The following MPHOSPH9 variants were observed in gnomAD, a reference collection of about 807,000 sequenced individuals.
The protein encoded by MPHOSPH9 is M-phase phosphoprotein 9.
MPHOSPH9 carries 88 observed loss-of-function variants against 145.5 expected under a neutral mutation model. That is an observed-to-expected ratio of 0.60 (90% CI 0.51 to 0.72). MPHOSPH9 has a LOEUF of 0.72. Among genes scored for constraint, MPHOSPH9 ranks in the 30% least tolerant of loss-of-function variants. The pLI is 0.00. For synonymous variants in MPHOSPH9, 435 were observed against 486.2 expected (o/e 0.89, Z 1.39); for missense variants, 1,238 against 1,386.6 (o/e 0.89, Z 1.70).
intron 1 of MPHOSPH9, among the ~76,000 whole-genome samples, chr12:123,240,161 C>A (rs945270914): frequency 3.4e-5 from 5 of 146,930 alleles, no homozygotes; most frequent in Non-Finnish European, 5.9e-5. Context: ...GTCAGGAGTT[C>A]GAGACCACCC....
At position 123,170,123 on chromosome 12, in the gene MPHOSPH9, G is replaced by A. The variant is rs181620023; in HGVS notation, c.2457-3334C>T. Among the ~76,000 whole-genome samples, 27 of 150,594 alleles carry A rather than the reference G, an allele frequency of 1.8e-4. No homozygotes were observed. In the East Asian group the frequency reaches 4.1e-3, roughly 23 times the overall value. On this transcript the variant is annotated intron_variant, in intron 16 of 23. Coordinates refer to ENST00000606320, the MANE Select transcript of MPHOSPH9 (RefSeq NM_022782.4). ...CTCCCGAGCAGCTGGGACTACAGGC[G>A]CGTACCACCAACCACCACACCCAGC...
At chr12:123,199,206 C>G (rs1239039109) in intron 11 of MPHOSPH9, among the ~76,000 whole-genome samples, 6 of 152,052 alleles carry the variant, frequency 3.9e-5, no homozygotes, top group Non-Finnish European at 8.8e-5. Context: ...AGGCTGGTCT[C>G]AAACTCCTGG....
At chr12:123,180,479 T>G (rs1244820384) in intron 14 of MPHOSPH9, among the ~76,000 whole-genome samples, 2 of 152,200 alleles carry the variant, frequency 1.3e-5, no homozygotes, top group African/African-American at 4.8e-5. Context: ...AATGCAAATA[T>G]GTAGTCTCCA....
intron 8 of MPHOSPH9, among the ~76,000 whole-genome samples, chr12:123,206,781 G>A (rs1005678742): frequency 6.6e-6 from 1 of 151,920 alleles, no homozygotes. Flanking sequence ...GGGTATGGTA[G>A]TGCATGCCTG....
rs2047202209 is a variant in MPHOSPH9 at position 123,221,585 on chromosome 12, T to C, written c.659A>G (p.Glu220Gly). ...CTGTCCTTTGGGAACATCTATGTGC[T>C]CCATGAACTCCTTAGGGTCTTTAGA... ...YKSKDPKEFM[E>G]HIDVPKGQYV... Residue 220 changes from glutamate to glycine, a missense_variant, in exon 5 of 24, where the codon GAG (glutamate) becomes GGG (glycine). Coordinates refer to ENST00000606320, the MANE Select transcript of MPHOSPH9 (RefSeq NM_022782.4). 6.2e-7 allele frequency: 1 copy of C among 1,614,170 alleles called. No individual in the cohort carries two copies. The highest frequency in any genetic ancestry group is 8.5e-7 in the Non-Finnish European group (1 of 1,179,986).
At chr12:123,208,365 C>T (rs951050735) in intron 8 of MPHOSPH9, among the ~76,000 whole-genome samples, 4 of 151,382 alleles carry the variant, frequency 2.6e-5, no homozygotes, top group Non-Finnish European at 5.9e-5. Context: ...GGTGAAACCC[C>T]GTCTCTACTA....
chr12:123,218,893 TTTTGTTTG>T (rs147246031), intron 5 of MPHOSPH9, among the ~76,000 whole-genome samples: 6 of 150,508 alleles, frequency 4.0e-5, no homozygotes, highest in South Asian at 2.1e-4. Flanking sequence ...TGTGTGTGGT[TTTTGTTTG>T]TTTGTTTGTT....
At chr12:123,224,708 T>G (rs1295345014) in intron 3 of MPHOSPH9, among the ~76,000 whole-genome samples, 2 of 152,204 alleles carry the variant, frequency 1.3e-5, no homozygotes, top group Non-Finnish European at 2.9e-5. Context: ...TCCCCCATGA[T>G]GAAGAATTGT....
At position 123,218,383 on chromosome 12, in the gene MPHOSPH9, A is replaced by T; in HGVS notation, c.989T>A (p.Ile330Asn). The stretch of plus-strand genomic sequence containing the variant: ...AAGTGACTAGTCACCTACTTTCTCA[A>T]TTGGTGTCTTCTTACTTTGCTCATT... ...QGNEQSKKTP[I>N]EKSDFAAATH... The change falls in exon 6 of 24, where the codon ATT becomes AAT. Residue 330 changes from isoleucine (I) to asparagine (N), a missense_variant. By Grantham distance (149) the Ile-to-Asn change is moderately radical. Transcript: ENST00000606320. 6.2e-7 allele frequency: 1 copy of T among 1,614,010 alleles called. No individual in the cohort carries two copies.
chr12:123,216,423 G>A (rs551597002), intron 6 of MPHOSPH9, among the ~76,000 whole-genome samples: 1 of 152,302 alleles, frequency 6.6e-6, no homozygotes, highest in African/African-American at 2.4e-5. Context: ...AAAAGACCAT[G>A]TTCAGGATAA....
downstream of MPHOSPH9, among the ~76,000 whole-genome samples, chr12:123,154,047 TG>T (rs1186474980): frequency 6.6e-6 from 1 of 152,112 alleles, no homozygotes; most frequent in African/African-American, 2.4e-5. Context: ...TTGCTTCAGT[TG>T]GAAAAGTCCT....
At chr12:123,195,868 A>T (rs1305138199) in intron 12 of MPHOSPH9, among the ~76,000 whole-genome samples, 3 of 151,028 alleles carry the variant, frequency 2.0e-5, no homozygotes, top group Non-Finnish European at 4.4e-5. Context: ...AGCGTGTCTC[A>T]ACAAAAAATT....
chr12:123,226,276 A>G, intron 3 of MPHOSPH9: 2 of 1,004,228 alleles, frequency 2.0e-6, no homozygotes, highest in African/African-American at 3.4e-5. Context: ...GATAATGGAT[A>G]TAAATAATTA....
At chr12:123,193,828 T>G (rs1263454145) in intron 13 of MPHOSPH9, among the ~76,000 whole-genome samples, 3 of 151,990 alleles carry the variant, frequency 2.0e-5, no homozygotes, top group Non-Finnish European at 2.9e-5. Flanking sequence ...ACACAGTTTT[T>G]TTTTTTTTTT....
chr12:123,213,367 A>C (rs1042707809), intron 7 of MPHOSPH9, among the ~76,000 whole-genome samples: 1 of 150,866 alleles, frequency 6.6e-6, no homozygotes, highest in Admixed American at 6.6e-5. Flanking sequence ...CTTGAGACAA[A>C]GTCTTGGTAT....
chr12:123,184,298 A>G (rs1164482592), intron 13 of MPHOSPH9, among the ~76,000 whole-genome samples: 1 of 152,062 alleles, frequency 6.6e-6, no homozygotes, highest in African/African-American at 2.4e-5. Flanking sequence ...CCCAGGCAAG[A>G]GACTGTAAGA....
At chr12:123,163,592 G>GC (rs5801505) in intron 19 of MPHOSPH9, among the ~76,000 whole-genome samples, 128,378 of 152,150 alleles carry the variant, frequency 0.84, 54,538 homozygotes, top group East Asian at 1. Context: ...AAGTATATTT[G>GC]AGACTAGCTT....
chr12:123,166,326 C>T (rs1194597513), intron 17 of MPHOSPH9: 2 of 275,030 alleles, frequency 7.3e-6, no homozygotes, highest in South Asian at 4.4e-5. Context: ...AAGCTGGTCT[C>T]GAACTCCTAG....
chr12:123,216,741 T>C (rs2046979202), intron 6 of MPHOSPH9, among the ~76,000 whole-genome samples: 1 of 152,088 alleles, frequency 6.6e-6, no homozygotes, highest in South Asian at 2.1e-4. Context: ...CTCACGTCTA[T>C]AATCCCGGCA....
Sources: gnomAD v4.1 joint callset for allele counts (sites outside exome capture counted in the v4.1 genomes callset) on GRCh38, gnomAD v4.1.1 for gene constraint, MANE v1.5 for transcripts, NCBI Gene and HGNC (gene_info 2026-07-23, HGNC 2026-07-21) for gene names.